LRP1B: variants seen among roughly 807,000 people sequenced by gnomAD.
LRP1B encodes low-density lipoprotein receptor-related protein 1B.
A neutral mutation model predicts 556.6 loss-of-function variants in LRP1B; 217 were observed. The ratio of observed to expected loss-of-function variants is 0.39; its 90% confidence interval spans 0.35 to 0.44. LRP1B has a LOEUF of 0.44. Ranked by LOEUF, LRP1B falls within the 20% of genes least tolerant of loss-of-function variation. The pLI is 1.00. For missense variants in LRP1B, 5,053 were observed against 5,620.8 expected (o/e 0.90, Z 3.23); for synonymous variants, 2,047 against 1,865.8 (o/e 1.10, Z -2.50).
intron 43 of LRP1B, among the ~76,000 whole-genome samples, chr2:140,596,101 C>G (rs1232764615): frequency 1.3e-5 from 2 of 152,068 alleles, no homozygotes; most frequent in Non-Finnish European, 2.9e-5. Context: ...TCTTATATAA[C>G]AGGCCATAGT....
chr2:140,378,046 A>G, intron 68 of LRP1B, 134 bp downstream of exon 68: 1 of 633,836 alleles, frequency 1.6e-6, no homozygotes. Flanking sequence ...GCACATGGAT[A>G]TAATACTTAT....
intron 86 of LRP1B, among the ~76,000 whole-genome samples, chr2:140,260,807 C>G (rs1289495056): frequency 3.3e-5 from 5 of 151,762 alleles, no homozygotes; most frequent in Non-Finnish European, 4.4e-5. Flanking sequence ...CTTTTCTGCT[C>G]TGGTTTTCTC....
chr2:141,073,744 T>C (rs1280936313), intron 7 of LRP1B, among the ~76,000 whole-genome samples: 1 of 152,136 alleles, frequency 6.6e-6, no homozygotes, highest in Non-Finnish European at 1.5e-5. Flanking sequence ...TCCAATGGTT[T>C]ATTCCAGAAA....
intron 2 of LRP1B, among the ~76,000 whole-genome samples, chr2:141,492,007 T>A (rs112255954): frequency 7.2e-6 from 1 of 139,006 alleles, no homozygotes; most frequent in Non-Finnish European, 1.5e-5. Context: ...GATGGCCAAG[T>A]GATAATCGTT....
At chr2:140,372,973 G>A (rs368984237) in intron 69 of LRP1B, 35 bp downstream of exon 69, 34 of 1,607,152 alleles carry the variant, frequency 2.1e-5, no homozygotes, top group Admixed American at 5.0e-5. Flanking sequence ...AAGGTAAAAT[G>A]TTAACTAAAT....
intron 42 of LRP1B, 118 bp downstream of exon 42, chr2:140,601,332 G>T: frequency 4.2e-6 from 4 of 943,998 alleles, no homozygotes; most frequent in Non-Finnish European, 4.3e-6. Flanking sequence ...TATGAATTGT[G>T]AAAATAAAAC....
chr2:140,526,213 A>C, intron 48 of LRP1B, 24 bp downstream of exon 48: 7 of 1,598,754 alleles, frequency 4.4e-6, no homozygotes, highest in Non-Finnish European at 6.0e-6. Context: ...GCATAAACAG[A>C]CAAAAGGTAG....
chr2:140,320,682 C>A (rs1680065556), intron 82 of LRP1B, among the ~76,000 whole-genome samples: 1 of 151,986 alleles, frequency 6.6e-6, no homozygotes, highest in Non-Finnish European at 1.5e-5. Flanking sequence ...CTGGTCTCTG[C>A]CTCCTTAAGT....
chr2:140,714,045 G>A (rs932297533), intron 37 of LRP1B, among the ~76,000 whole-genome samples: 6 of 152,122 alleles, frequency 3.9e-5, no homozygotes, highest in Non-Finnish European at 7.4e-5. Flanking sequence ...TATTGTGCCT[G>A]AAAATAAGTC....
chr2:141,169,185 C>T (rs1680388314), intron 7 of LRP1B, among the ~76,000 whole-genome samples: 1 of 151,590 alleles, frequency 6.6e-6, no homozygotes, highest in Admixed American at 6.6e-5. Context: ...ACTTGGGAGG[C>T]TGAGGTAGGA....
intron 2 of LRP1B, among the ~76,000 whole-genome samples, chr2:141,787,583 G>A (rs553525177): frequency 3.3e-5 from 5 of 151,674 alleles, no homozygotes; most frequent in Non-Finnish European, 5.9e-5. Flanking sequence ...ATCAAAGGTC[G>A]AGGAAGGAGT....
intron 7 of LRP1B, among the ~76,000 whole-genome samples, chr2:141,105,479 G>A (rs1285947713): frequency 6.6e-6 from 1 of 152,060 alleles, no homozygotes; most frequent in Non-Finnish European, 1.5e-5. Context: ...AAATAATACT[G>A]CAGCTTTCAG....
chr2:140,960,721 A>G (rs1466537290), intron 18 of LRP1B, among the ~76,000 whole-genome samples: 1 of 151,886 alleles, frequency 6.6e-6, no homozygotes, highest in Non-Finnish European at 1.5e-5. Context: ...ATTTGTGAGC[A>G]CTCACCTCTA....
At chr2:140,524,341 C>T (rs536713893) in intron 49 of LRP1B, among the ~76,000 whole-genome samples, 6 of 151,710 alleles carry the variant, frequency 4.0e-5, no homozygotes, top group Non-Finnish European at 8.8e-5. Flanking sequence ...GTGAGGTTGT[C>T]GAGAAAAAGA....
intron 53 of LRP1B, among the ~76,000 whole-genome samples, chr2:140,505,848 A>G (rs1439674408): frequency 6.6e-6 from 1 of 152,182 alleles, no homozygotes. Context: ...TTTTCATTAC[A>G]TATATTTATT....
At chr2:141,913,761 T>C (rs987424575) in intron 1 of LRP1B, among the ~76,000 whole-genome samples, 2 of 152,180 alleles carry the variant, frequency 1.3e-5, no homozygotes, top group East Asian at 3.9e-4. Flanking sequence ...TACATTTTTT[T>C]TTTAAGATGG....
intron 1 of LRP1B, among the ~76,000 whole-genome samples, chr2:141,879,184 C>G (rs1231672153): frequency 6.6e-6 from 1 of 151,416 alleles, no homozygotes; most frequent in African/African-American, 2.4e-5. Context: ...TATTAATAAG[C>G]AGAGATGTAG....
intron 6 of LRP1B, among the ~76,000 whole-genome samples, chr2:141,224,341 A>G (rs1020044662): frequency 6.6e-6 from 1 of 152,156 alleles, no homozygotes; most frequent in Admixed American, 6.6e-5. Flanking sequence ...GTCAAGAAAC[A>G]ACAGAGGCTG....
chr2:140,910,694 T>C (rs1010167976), intron 21 of LRP1B, among the ~76,000 whole-genome samples: 2 of 151,866 alleles, frequency 1.3e-5, no homozygotes, highest in Non-Finnish European at 3.0e-5. Flanking sequence ...AAACATAAGA[T>C]ATTCAATATC....
Sources: allele counts gnomAD v4.1 joint callset (sites outside exome capture counted in the v4.1 genomes callset), GRCh38; gene constraint gnomAD v4.1.1; transcripts MANE v1.5; gene names NCBI Gene and HGNC (gene_info 2026-07-23, HGNC 2026-07-21).